PSME4: variants seen among roughly 807,000 people sequenced by gnomAD.
The protein encoded by PSME4 is proteasome activator subunit 4.
A neutral mutation model predicts 253.9 loss-of-function variants in PSME4; 89 were observed. The ratio of observed to expected loss-of-function variants is 0.35; its 90% confidence interval spans 0.30 to 0.42. The LOEUF is 0.42. Ranked by LOEUF, PSME4 falls within the 10% of genes least tolerant of loss-of-function variation. The probability of loss-of-function intolerance (pLI) is 1.00; values close to 1 mark genes in which losing one functional copy is unlikely to be tolerated. For synonymous variants in PSME4, 851 were observed against 759.2 expected (o/e 1.12, Z -1.99); for missense variants, 2,014 against 2,195.2 (o/e 0.92, Z 1.65).
Position 53,906,673 on chromosome 2 carries a change from C to G in PSME4, c.2868G>C (p.Glu956Asp). 1.9e-6 allele frequency: 3 copies of G among 1,601,460 alleles called. No individual in the cohort carries two copies. Among genetic ancestry groups the G allele is most frequent in the Non-Finnish European group, 2.6e-6 (3 of 1,175,534 alleles). ...LQHELRTLTV[E>D]GCEYKKIHQD... Reference sequence around the variant, plus strand: ...GATGTATCTTTTTGTATTCACAACCCTCAACAGTTAGTGTCCGTAGCTAAG... The same window carrying G: ...GATGTATCTTTTTGTATTCACAACCGTCAACAGTTAGTGTCCGTAGCTAAG... Residue 956 changes from glutamate to aspartate, a missense_variant, in exon 26 of 47, where the codon GAG (glutamate) becomes GAC (aspartate). By Grantham distance (45) the Glu-to-Asp change is conservative. Around this residue, in one of 4 missense-constraint regions of PSME4, gnomAD observed 989 missense variants for 1,021.1 expected, o/e 0.97. Coordinates refer to ENST00000404125, the MANE Select transcript of PSME4 (RefSeq NM_014614.3).
intron 41 of PSME4, among the ~76,000 whole-genome samples, chr2:53,881,142 C>A (rs988149818): frequency 6.6e-6 from 1 of 152,058 alleles, no homozygotes; most frequent in Non-Finnish European, 1.5e-5. Flanking sequence ...ACTATGTTAA[C>A]CAGTAGAAAA....
At chr2:53,884,589 C>A (rs1366766565) in intron 41 of PSME4, among the ~76,000 whole-genome samples, 1 of 152,196 alleles carries the variant, frequency 6.6e-6, no homozygotes, top group Non-Finnish European at 1.5e-5. Flanking sequence ...CAACCTCTTA[C>A]ATACTTGCCT....
chr2:53,888,037 T>C (rs988857855), intron 38 of PSME4, 48 bp from the exon 39 acceptor site: 2 of 1,560,336 alleles, frequency 1.3e-6, no homozygotes, highest in Non-Finnish European at 1.7e-6. Context: ...TTTCTGCCTT[T>C]ACATATTGAC....
At chr2:53,948,364 A>AC (rs1669822994) in intron 3 of PSME4, 57 bp downstream of exon 3, 3 of 992,078 alleles carry the variant, frequency 3.0e-6, no homozygotes, top group East Asian at 4.8e-5. Context: ...AATCATGATC[A>AC]CCCCCCTAAA....
chr2:53,898,617 CAATT>C (rs1193911796), intron 29 of PSME4, among the ~76,000 whole-genome samples: 2 of 141,162 alleles, frequency 1.4e-5, no homozygotes, highest in African/African-American at 5.4e-5. Flanking sequence ...AAGTAGTAAT[CAATT>C]AATTGGGAGT....
chr2:53,938,186 A>T (rs1015002303), intron 4 of PSME4, among the ~76,000 whole-genome samples: 1 of 152,196 alleles, frequency 6.6e-6, no homozygotes, highest in Non-Finnish European at 1.5e-5. Context: ...ATCTTGTCAA[A>T]AAGAATCCAG....
chr2:53,949,127 C>T lies in PSME4; in HGVS notation c.383+16G>A, dbSNP rs56323003. On this transcript the variant is annotated intron_variant, in intron 2 of 46. Coordinates refer to ENST00000404125, the MANE Select transcript of PSME4 (RefSeq NM_014614.3). ...AACAAACAAACCTTAACAGAAACCT[C>T]TGGAAAAAGACTTACTTTAACAAGT... The T allele has an allele frequency of 1.3e-6, 2 of 1,574,098 alleles. No individual in the cohort carries two copies. Among genetic ancestry groups the T allele is most frequent in the South Asian group, 2.4e-5 (2 of 82,330 alleles).
At chr2:53,884,384 T>C (rs1475930123) in intron 41 of PSME4, among the ~76,000 whole-genome samples, 4 of 152,212 alleles carry the variant, frequency 2.6e-5, no homozygotes, top group African/African-American at 9.6e-5. Flanking sequence ...CTAATTTTTG[T>C]ATTTTTAGTA....
intron 26 of PSME4, among the ~76,000 whole-genome samples, 197 bp from the exon 27 acceptor site, chr2:53,904,353 A>G (rs1330111006): frequency 6.6e-6 from 1 of 152,248 alleles, no homozygotes; most frequent in African/African-American, 2.4e-5. Flanking sequence ...ACCACCGACC[A>G]TATCCATGGT....
intron 44 of PSME4, among the ~76,000 whole-genome samples, chr2:53,868,518 TTATAATATA>T (rs1301400354): frequency 1.7e-5 from 1 of 59,502 alleles, no homozygotes; most frequent in Admixed American, 2.1e-4. Context: ...TAAAATATAT[TTATAATATA>T]TATAATATAT....
At chr2:53,960,268 G>A (rs1303149719) in intron 1 of PSME4, among the ~76,000 whole-genome samples, 18 of 151,928 alleles carry the variant, frequency 1.2e-4, no homozygotes, top group African/African-American at 4.1e-4. Context: ...GCATGGTGGC[G>A]GGCGCCTGTA....
intron 1 of PSME4, among the ~76,000 whole-genome samples, chr2:53,954,530 G>C (rs1296372822): frequency 6.6e-6 from 1 of 151,958 alleles, no homozygotes; most frequent in East Asian, 1.9e-4. Context: ...CCTTCATCTA[G>C]CAATACTATC....
At chr2:53,940,983 A>ATATACATATT (rs1669420762) in intron 3 of PSME4, among the ~76,000 whole-genome samples, 1 of 79,426 alleles carries the variant, frequency 1.3e-5, no homozygotes, top group Non-Finnish European at 2.9e-5. Flanking sequence ...ATATATATAT[A>ATATACATATT]TATATATATA....
At position 53,932,724 on chromosome 2, in the gene PSME4, C is replaced by A. The variant is rs150503713; in HGVS notation, c.994G>T (p.Gly332Cys). ...PSKLVQKHLAGLFNSITSFYH... is the reference protein window; with the variant it reads ...PSKLVQKHLACLFNSITSFYH... Reference sequence around the variant, plus strand: ...AAAGATGTGATGCTGTTAAACAAACCAGCTAAGTGTTTTTGCACTAGCTTA... The same window carrying A: ...AAAGATGTGATGCTGTTAAACAAACAAGCTAAGTGTTTTTGCACTAGCTTA... The change falls in exon 9 of 47, where the codon GGT becomes TGT. Residue 332 changes from glycine (G) to cysteine (C), a missense_variant. This residue lies in a region of PSME4 where 615 missense variants were observed against 594.4 expected (regional missense o/e 1.03). Coordinates refer to ENST00000404125, the MANE Select transcript of PSME4 (RefSeq NM_014614.3). 3 of 1,613,960 alleles carry A rather than the reference C, an allele frequency of 1.9e-6. No individual in the cohort carries two copies. The highest frequency in any genetic ancestry group is 2.5e-6 in the Non-Finnish European group (3 of 1,179,880).
chr2:53,949,638 G>A (rs76838954), intron 1 of PSME4, among the ~76,000 whole-genome samples: 4 of 152,072 alleles, frequency 2.6e-5, no homozygotes, highest in South Asian at 2.1e-4. Flanking sequence ...AGTGAAATAC[G>A]CCAGTCACAA....
chr2:53,946,196 G>C (rs1004525299), intron 3 of PSME4, among the ~76,000 whole-genome samples: 14 of 152,222 alleles, frequency 9.2e-5, no homozygotes, highest in African/African-American at 2.9e-4. Context: ...CCTTTGCAAA[G>C]GTAGACCCTT....
chr2:53,888,726 A>T lies in PSME4; in HGVS notation c.4383T>A (p.Asp1461Glu). 6.2e-7 allele frequency: 1 copy of T among 1,608,298 alleles called. No individual in the cohort carries two copies. The highest frequency in any genetic ancestry group is 8.5e-7 in the Non-Finnish European group (1 of 1,175,334). Residue 1461 changes from aspartate to glutamate, a missense_variant, in exon 38 of 47, where the codon GAT (aspartate) becomes GAA (glutamate). This residue lies in a region of PSME4 where 403 missense variants were observed against 556.1 expected (regional missense o/e 0.72). Transcript: ENST00000404125. ...PLSGEGGSFV[D>E]ACRLYVLQGG... ...GGTTTTTTAAAAAAATTTACCATGCATCTACAAAGGATCCTCCTTCACCAC... is the reference window on the plus strand; with the variant it reads ...GGTTTTTTAAAAAAATTTACCATGCTTCTACAAAGGATCCTCCTTCACCAC...
At chr2:53,959,538 G>A (rs987324687) in intron 1 of PSME4, among the ~76,000 whole-genome samples, 9 of 152,124 alleles carry the variant, frequency 5.9e-5, no homozygotes, top group Admixed American at 5.9e-4. Flanking sequence ...CTTCACCATA[G>A]CTATATCAGT....
chr2:53,875,915 C>T (rs1452367492), intron 41 of PSME4, among the ~76,000 whole-genome samples, 160 bp from the exon 42 acceptor site: 2 of 152,176 alleles, frequency 1.3e-5, no homozygotes, highest in Non-Finnish European at 2.9e-5. Context: ...ATGAGCCAAT[C>T]ACCTCTTCAA....
Sources: gnomAD v4.1 joint callset for allele counts (sites outside exome capture counted in the v4.1 genomes callset) on GRCh38, gnomAD v4.1.1 for gene constraint, gnomAD v4.1.1 regional missense constraint, MANE v1.5 for transcripts, NCBI Gene and HGNC (gene_info 2026-07-23, HGNC 2026-07-21) for gene names.